LRP1B: variants seen among roughly 807,000 people sequenced by gnomAD.
The protein encoded by LRP1B is LDL receptor related protein 1B.
LRP1B carries 217 observed loss-of-function variants against 556.6 expected under a neutral mutation model. The ratio of observed to expected loss-of-function variants is 0.39; its 90% CI spans 0.35 to 0.44. The LOEUF is 0.44. LRP1B is among the 20% of genes least tolerant of loss of function. The pLI is 1.00. For synonymous variants in LRP1B, 2,047 were observed against 1,865.8 expected, an observed-to-expected ratio of 1.10 and a Z score of -2.50; for missense variants, 5,053 against 5,620.8, an observed-to-expected ratio of 0.90 and a Z score of 3.23.
chr2:140,645,533 C>CTTT lies in LRP1B; in HGVS notation c.6800-43897_6800-43895dup, dbSNP rs36082249. On this transcript the variant is annotated intron_variant, in intron 41 of 90. Transcript: ENST00000389484. ...TCTATACTAACCCTTTGCCAATATT[C>CTTT]TTTTTTTTTTTTTTTTTTTTTTTTG... Among the ~76,000 whole-genome samples, 579 of 81,228 alleles carry CTTT rather than the reference C, an allele frequency of 7.1e-3. 7 individuals carry two copies. The highest frequency in any genetic ancestry group is 0.012 in the African/African-American group (212 of 18,036). 53.3% of individuals were successfully genotyped at this position (81,228 alleles called of 152,430 possible). A position where few individuals can be genotyped will look rare whatever the true frequency, so the allele number is the denominator to read the frequency against.
At chr2:141,605,404 T>C (rs1687884303) in intron 2 of LRP1B, among the ~76,000 whole-genome samples, 1 of 152,166 alleles carries the variant, frequency 6.6e-6, no homozygotes, top group African/African-American at 2.4e-5. Context: ...AAAGGTCCTA[T>C]TTGAGTGGAT....
At chr2:140,640,476 A>AG (rs1684252196) in intron 41 of LRP1B, among the ~76,000 whole-genome samples, 1 of 119,418 alleles carries the variant, frequency 8.4e-6, no homozygotes, top group Non-Finnish European at 1.6e-5. Flanking sequence ...GCTCACTGCA[A>AG]GCTCCGCCTC....
At chr2:141,027,731 T>C (rs1052262126) in intron 11 of LRP1B, among the ~76,000 whole-genome samples, 6 of 152,172 alleles carry the variant, frequency 3.9e-5, no homozygotes, top group Non-Finnish European at 5.9e-5. Context: ...CTAATTCACA[T>C]GGTGAAATCC....
At chr2:140,424,147 CA>C (rs1685562179) in intron 66 of LRP1B, among the ~76,000 whole-genome samples, 1 of 152,038 alleles carries the variant, frequency 6.6e-6, no homozygotes, top group Non-Finnish European at 1.5e-5. Context: ...AGAAAGAGAT[CA>C]GGAAGAAGCA....
chr2:142,032,868 C>T (rs567145713), intron 1 of LRP1B, among the ~76,000 whole-genome samples: 14 of 151,930 alleles, frequency 9.2e-5, no homozygotes, highest in African/African-American at 3.4e-4. Flanking sequence ...CCCATTCTCT[C>T]AGTTGCTAGC....
intron 6 of LRP1B, among the ~76,000 whole-genome samples, chr2:141,225,244 A>G (rs1036667800): frequency 1.3e-5 from 2 of 152,182 alleles, no homozygotes; most frequent in Non-Finnish European, 2.9e-5. Context: ...GGCTAAATCC[A>G]TGTTAAAATC....
At chr2:141,179,621 G>T (rs1167606851) in intron 7 of LRP1B, among the ~76,000 whole-genome samples, 1 of 151,842 alleles carries the variant, frequency 6.6e-6, no homozygotes, top group Non-Finnish European at 1.5e-5. Flanking sequence ...GTCAAAAGAA[G>T]ACCAAATACC....
chr2:141,062,309 G>T, intron 7 of LRP1B, 36 bp from the exon 8 acceptor site: 2 of 1,464,888 alleles, frequency 1.4e-6, no homozygotes, highest in African/African-American at 1.4e-5. Flanking sequence ...AGTGGAGGGT[G>T]GGGGAGGGAA....
At chr2:141,266,129 C>T (rs1382182129) in intron 3 of LRP1B, among the ~76,000 whole-genome samples, 2 of 152,066 alleles carry the variant, frequency 1.3e-5, no homozygotes, top group Non-Finnish European at 2.9e-5. Flanking sequence ...TCGAGACCAT[C>T]CTGGCTAACA....
intron 2 of LRP1B, among the ~76,000 whole-genome samples, chr2:141,579,666 A>G (rs1022508673): frequency 6.6e-6 from 1 of 150,694 alleles, no homozygotes; most frequent in Non-Finnish European, 1.5e-5. Context: ...CTTTCTCTAT[A>G]AATTGTTCTT....
intron 11 of LRP1B, among the ~76,000 whole-genome samples, chr2:141,039,208 C>T (rs1698626288): frequency 6.6e-6 from 1 of 152,028 alleles, no homozygotes; most frequent in South Asian, 2.1e-4. Context: ...ACTGGCCACC[C>T]AGGTTGTAAG....
At chr2:141,459,639 G>T (rs115897092) in intron 3 of LRP1B, among the ~76,000 whole-genome samples, 2,844 of 152,130 alleles carry the variant, frequency 0.019, 84 homozygotes, top group African/African-American at 0.064. Context: ...ATGCTATTCT[G>T]GTGACAGTGA....
intron 27 of LRP1B, among the ~76,000 whole-genome samples, chr2:140,860,925 G>T (rs145722264): frequency 6.6e-6 from 1 of 152,114 alleles, no homozygotes; most frequent in Non-Finnish European, 1.5e-5. Flanking sequence ...CTTACAGGGT[G>T]GGGGAGGAGA....
intron 2 of LRP1B, among the ~76,000 whole-genome samples, chr2:141,497,656 G>A (rs772136045): frequency 2.8e-4 from 42 of 152,052 alleles, no homozygotes; most frequent in Admixed American, 2.6e-3. Flanking sequence ...TTTTCCCTAC[G>A]ATTGAAAAGC....
chr2:141,882,996 C>T lies in LRP1B; in HGVS notation c.83-72595G>A, dbSNP rs1332651055. ...CCAAAGGCATTGCGGCTAAAGTACG[C>T]AGCTATTCATCTTCCTTATGGTTAA... On this transcript the variant is annotated intron_variant, in intron 1 of 90. Coordinates refer to ENST00000389484, the MANE Select transcript of LRP1B (RefSeq NM_018557.3). Among the ~76,000 whole-genome samples, 7 of 152,228 alleles carry T rather than the reference C, an allele frequency of 4.6e-5. No homozygotes were observed. The East Asian group carries it at 1.4e-3, about 29-fold the overall frequency.
chr2:141,128,770 G>A lies in LRP1B; in HGVS notation c.1013+59651C>T, dbSNP rs550791131. 2.2e-4 allele frequency among the ~76,000 whole-genome samples: 34 copies of A among 152,152 alleles called. 1 individual carries two copies. The highest frequency in any genetic ancestry group is 1.9e-3 in the South Asian group (9 of 4,824). On this transcript the variant is annotated intron_variant, in intron 7 of 90. Coordinates refer to ENST00000389484, the MANE Select transcript of LRP1B (RefSeq NM_018557.3). The stretch of plus-strand genomic sequence containing the variant: ...CGAGTAGCTGGGATTACAGGCATGC[G>A]CCACCATGCTCAGCTAATATAATGA...
intron 2 of LRP1B, among the ~76,000 whole-genome samples, chr2:141,743,915 G>A (rs1188611845): frequency 6.6e-6 from 1 of 150,822 alleles, no homozygotes; most frequent in Non-Finnish European, 1.5e-5. Flanking sequence ...TCTGGCTAAA[G>A]CTTTGTCAGT....
chr2:140,277,019 C>CTTAT (rs1344814082), intron 84 of LRP1B, among the ~76,000 whole-genome samples: 1 of 151,560 alleles, frequency 6.6e-6, no homozygotes, highest in Admixed American at 6.6e-5. Flanking sequence ...ACCAAAATAG[C>CTTAT]TTATTTATTA....
intron 3 of LRP1B, among the ~76,000 whole-genome samples, chr2:141,416,041 T>C (rs1305551729): frequency 2.0e-5 from 3 of 152,236 alleles, no homozygotes; most frequent in Admixed American, 6.5e-5. Context: ...GTGATGATAA[T>C]GACCTAACAT....
Sources: gnomAD v4.1 joint callset for allele counts (sites outside exome capture counted in the v4.1 genomes callset) on GRCh38, gnomAD v4.1.1 for gene constraint, MANE v1.5 for transcripts, NCBI Gene and HGNC (gene_info 2026-07-23, HGNC 2026-07-21) for gene names.